The following LURAP1L variants were observed in gnomAD, a reference collection of about 807,000 sequenced individuals.
The protein encoded by LURAP1L is leucine rich adaptor protein 1-like.
A neutral mutation model predicts 13.8 loss-of-function variants in LURAP1L; 12 were observed. The ratio of observed to expected loss-of-function variants is 0.87; its 90% CI spans 0.56 to 1.41. LURAP1L has a LOEUF of 1.41. Among genes scored for constraint, LURAP1L ranks in the 40% most tolerant of loss-of-function variants. The pLI, the probability that LURAP1L is intolerant of heterozygous loss-of-function variation, is 0.00. For synonymous variants in LURAP1L, 139 were observed against 119.2 expected (o/e 1.17, Z -1.08); for missense variants, 375 against 292.9 (o/e 1.28, Z -2.04).
chr9:12,795,464 G>A (rs1256605569), intron 1 of LURAP1L, among the ~76,000 whole-genome samples: 2 of 151,870 alleles, frequency 1.3e-5, no homozygotes, highest in East Asian at 3.9e-4. Context: ...ATCTTCCTTC[G>A]AGAAAGTGAT....
chr9:12,820,592 T>G (rs1427216624), intron 1 of LURAP1L, among the ~76,000 whole-genome samples: 1 of 148,452 alleles, frequency 6.7e-6, no homozygotes, highest in Non-Finnish European at 1.5e-5. Context: ...TATCCCACTT[T>G]TGATTGGGGT....
chr9:12,808,449 C>G (rs1819691019), intron 1 of LURAP1L, among the ~76,000 whole-genome samples: 1 of 152,028 alleles, frequency 6.6e-6, no homozygotes, highest in Non-Finnish European at 1.5e-5. Flanking sequence ...ACCCCCAGAA[C>G]TTTTTTATTT....
intron 1 of LURAP1L, among the ~76,000 whole-genome samples, chr9:12,790,961 G>A (rs1030357769): frequency 2.0e-5 from 3 of 151,956 alleles, no homozygotes; most frequent in South Asian, 2.1e-4. Flanking sequence ...CATTTAATTC[G>A]GTAGCCTAAT....
At chr9:12,798,188 A>C (rs1410578547) in intron 1 of LURAP1L, among the ~76,000 whole-genome samples, 6 of 152,172 alleles carry the variant, frequency 3.9e-5, no homozygotes, top group Non-Finnish European at 8.8e-5. Flanking sequence ...CATCTGAGCA[A>C]GAATAATAAA....
At chr9:12,803,719 T>C (rs975783385) in intron 1 of LURAP1L, among the ~76,000 whole-genome samples, 1 of 152,178 alleles carries the variant, frequency 6.6e-6, no homozygotes, top group Non-Finnish European at 1.5e-5. Flanking sequence ...TCTTAATAAA[T>C]GTAACATCAT....
chr9:12,815,852 G>A (rs1819798046), intron 1 of LURAP1L, among the ~76,000 whole-genome samples: 1 of 152,048 alleles, frequency 6.6e-6, no homozygotes, highest in African/African-American at 2.4e-5. Context: ...TCTTGGAGTG[G>A]AATACAAAAA....
intron 1 of LURAP1L, among the ~76,000 whole-genome samples, chr9:12,817,239 C>T (rs1031902003): frequency 3.3e-5 from 5 of 152,006 alleles, no homozygotes; most frequent in Non-Finnish European, 7.4e-5. Flanking sequence ...TCTCAAGTCA[C>T]ATATTACTGA....
chr9:12,793,816 G>A (rs987136860), intron 1 of LURAP1L, among the ~76,000 whole-genome samples: 1 of 151,942 alleles, frequency 6.6e-6, no homozygotes. Context: ...TTTGAAGAGT[G>A]GCGCCTGCAC....
intron 1 of LURAP1L, among the ~76,000 whole-genome samples, chr9:12,783,145 T>C (rs1819296137): frequency 1.3e-5 from 2 of 152,188 alleles, no homozygotes; most frequent in South Asian, 4.1e-4. Flanking sequence ...GATTATATCA[T>C]TTGCAAATAA....
Position 12,821,943 on chromosome 9 carries a change from C to A in LURAP1L, c.*183C>A. 1.7e-6 allele frequency: 1 copy of A among 592,670 alleles called. No homozygotes were observed. Among genetic ancestry groups the A allele is most frequent in the Non-Finnish European group, 2.8e-6 (1 of 359,602 alleles). The allele number at this position is 592,670 out of a possible 1,614,324, so 36.7% of individuals were successfully genotyped here. On this transcript the variant is annotated 3_prime_UTR_variant, in exon 2 of 2. Transcript: ENST00000319264. The stretch of plus-strand genomic sequence containing the variant: ...TTCTCATCTGAGCTGATTTATTTTT[C>A]TCTGTTACATCTCTATTTTTTATTT...
chr9:12,798,925 G>A (rs552681282), intron 1 of LURAP1L, among the ~76,000 whole-genome samples: 13 of 152,274 alleles, frequency 8.5e-5, no homozygotes, highest in African/African-American at 2.2e-4. Context: ...ATTCATGAAT[G>A]CTCATGCAGG....
In LURAP1L at chr9:12,775,493, G is replaced by A; in HGVS notation, c.-223G>A. 1 of 555,454 alleles carries A rather than the reference G, an allele frequency of 1.8e-6. No individual in the cohort carries two copies. Among genetic ancestry groups the A allele is most frequent in the Non-Finnish European group, 3.0e-6 (1 of 338,262 alleles). 34.4% of individuals were successfully genotyped at this position (555,454 alleles called of 1,614,324 possible). On this transcript the variant is annotated 5_prime_UTR_variant, in exon 1 of 2. Coordinates refer to ENST00000319264, the MANE Select transcript of LURAP1L (RefSeq NM_203403.2). ...GATCTTGATCATCTTAGTGTCGGAG[G>A]AGTCGCAGCGGACTGGGAACTGCAG...
chr9:12,813,257 C>A (rs1453208949), intron 1 of LURAP1L, among the ~76,000 whole-genome samples: 1 of 151,952 alleles, frequency 6.6e-6, no homozygotes, highest in East Asian at 1.9e-4. Flanking sequence ...TTTATATAAA[C>A]CTACTAGTTA....
At chr9:12,776,182 C>T (rs891052461) in intron 1 of LURAP1L, among the ~76,000 whole-genome samples, 155 bp downstream of exon 1, 7 of 152,156 alleles carry the variant, frequency 4.6e-5, no homozygotes, top group Non-Finnish European at 1.0e-4. Flanking sequence ...GCAGGGGGCG[C>T]TCATCCGGAG....
At chr9:12,813,936 C>T (rs1163330205) in intron 1 of LURAP1L, among the ~76,000 whole-genome samples, 1 of 152,134 alleles carries the variant, frequency 6.6e-6, no homozygotes, top group African/African-American at 2.4e-5. Context: ...ATACATACAA[C>T]AGTTCAGCAA....
intron 1 of LURAP1L, among the ~76,000 whole-genome samples, chr9:12,813,221 C>T (rs1308699304): frequency 6.6e-6 from 1 of 152,040 alleles, no homozygotes; most frequent in Admixed American, 6.6e-5. Flanking sequence ...AGTTGCCAAT[C>T]ACAGACATTA....
At chr9:12,802,600 T>C (rs1414526132) in intron 1 of LURAP1L, among the ~76,000 whole-genome samples, 2 of 152,182 alleles carry the variant, frequency 1.3e-5, no homozygotes, top group Non-Finnish European at 2.9e-5. Flanking sequence ...ACCACTTTTC[T>C]TTACAAATTA....
At chr9:12,814,189 G>T (rs754682854) in intron 1 of LURAP1L, 1 of 152,096 alleles carries the variant, frequency 6.6e-6, no homozygotes, top group Non-Finnish European at 1.5e-5. Flanking sequence ...ATGTAACTGT[G>T]GCCACTACAG....
chr9:12,810,353 G>C (rs1371047961), intron 1 of LURAP1L, among the ~76,000 whole-genome samples: 2 of 152,130 alleles, frequency 1.3e-5, no homozygotes, highest in African/African-American at 2.4e-5. Context: ...TTCTGTTCCT[G>C]TTAAGCTATG....
Sources: gnomAD v4.1 joint callset for allele counts (sites outside exome capture counted in the v4.1 genomes callset) on GRCh38, gnomAD v4.1.1 for gene constraint, MANE v1.5 for transcripts, NCBI Gene and HGNC (gene_info 2026-07-23, HGNC 2026-07-21) for gene names.